The following FHIT variants were observed in gnomAD, a reference collection of about 807,000 sequenced individuals.
FHIT encodes the protein fragile histidine triad diadenosine triphosphatase.
A neutral mutation model predicts 17.9 loss-of-function variants in FHIT; 19 were observed. The ratio of observed to expected loss-of-function variants is 1.06; its 90% confidence interval spans 0.74 to 1.56. The LOEUF is 1.56. Among genes scored for constraint, FHIT ranks in the 40% most tolerant of loss-of-function variants. The pLI, the probability that FHIT is intolerant of heterozygous loss-of-function variation, is 0.00. For missense variants in FHIT, 248 were observed against 189.2 expected, an observed-to-expected ratio of 1.31 and a Z score of -1.82; for synonymous variants, 81 against 69.7, an observed-to-expected ratio of 1.16 and a Z score of -0.81.
At chr3:60,333,390 G>A (rs1326434923) in intron 5 of FHIT, among the ~76,000 whole-genome samples, 2 of 152,066 alleles carry the variant, frequency 1.3e-5, no homozygotes, top group Non-Finnish European at 2.9e-5. Flanking sequence ...AGTAGATACA[G>A]TTAGTTTACA....
chr3:61,062,951 A>AC (rs2034478610), intron 2 of FHIT, among the ~76,000 whole-genome samples: 1 of 152,176 alleles, frequency 6.6e-6, no homozygotes, highest in African/African-American at 2.4e-5. Flanking sequence ...GATATCATTA[A>AC]CACAGACTCG....
At chr3:60,255,878 AAAC>A (rs1406762852) in intron 5 of FHIT, among the ~76,000 whole-genome samples, 2 of 152,048 alleles carry the variant, frequency 1.3e-5, no homozygotes, top group Admixed American at 1.3e-4. Context: ...AAAAAAAAAC[AAAC>A]AACAAACTGG....
chr3:60,589,875 A>T (rs1193499804), intron 4 of FHIT, among the ~76,000 whole-genome samples: 1 of 152,082 alleles, frequency 6.6e-6, no homozygotes, highest in African/African-American at 2.4e-5. Context: ...CTGGAGAATG[A>T]ATACATTGGC....
intron 8 of FHIT, among the ~76,000 whole-genome samples, chr3:59,791,673 C>T (rs182134144): frequency 1.3e-5 from 2 of 152,074 alleles, no homozygotes; most frequent in African/African-American, 2.4e-5. Context: ...TCTGTATTCC[C>T]AATGCTGAGT....
intron 5 of FHIT, among the ~76,000 whole-genome samples, chr3:60,328,545 CT>C (rs1240348532): frequency 6.6e-6 from 1 of 152,128 alleles, no homozygotes; most frequent in African/African-American, 2.4e-5. Flanking sequence ...TAGGAAAAAC[CT>C]GCCCCCATGA....
chr3:60,995,327 T>G (rs1414272724), intron 3 of FHIT, among the ~76,000 whole-genome samples: 1 of 151,878 alleles, frequency 6.6e-6, no homozygotes, highest in Non-Finnish European at 1.5e-5. Flanking sequence ...CTCAAAATAA[T>G]AATAATAATA....
chr3:60,329,798 G>A (rs1709877499), intron 5 of FHIT, among the ~76,000 whole-genome samples: 3 of 152,140 alleles, frequency 2.0e-5, no homozygotes, highest in Admixed American at 1.3e-4. Context: ...CCTCCAGACA[G>A]TTTAAGAAAC....
chr3:59,899,728 C>T (rs1485318995), intron 8 of FHIT, among the ~76,000 whole-genome samples: 1 of 152,084 alleles, frequency 6.6e-6, no homozygotes, highest in African/African-American at 2.4e-5. Flanking sequence ...CGCCTGTAGT[C>T]CCAGCTACTC....
intron 5 of FHIT, among the ~76,000 whole-genome samples, chr3:60,382,338 A>G (rs1470450219): frequency 6.6e-6 from 1 of 152,244 alleles, no homozygotes; most frequent in East Asian, 1.9e-4. Context: ...CAAGAGTGCC[A>G]CATCTCATAA....
rs187158080 is a variant in FHIT, at chr3:60,592,184, A to C, written c.-17-55205T>G. On this transcript the variant is annotated intron_variant, in intron 4 of 9. Coordinates refer to ENST00000492590, the MANE Select transcript of FHIT (RefSeq NM_002012.4). ...ATATATATATTATTATATATATATT[A>C]TCTCTCTATATATTCTCTATATGTA... is the stretch of plus-strand genomic sequence containing the variant. Among the ~76,000 whole-genome samples the C allele has an allele frequency of 1.8e-3, 259 of 147,666 alleles. 1 individual carries two copies. Among genetic ancestry groups the C allele is most frequent in the African/African-American group, 6.1e-3 (248 of 40,696 alleles).
chr3:61,169,069 C>T (rs573979318), intron 2 of FHIT, among the ~76,000 whole-genome samples: 3 of 152,292 alleles, frequency 2.0e-5, no homozygotes, highest in South Asian at 2.1e-4. Flanking sequence ...TCAAAGATGG[C>T]CTCCACCTTG....
chr3:59,914,238 G>T (rs1705023841), intron 8 of FHIT, among the ~76,000 whole-genome samples: 1 of 151,958 alleles, frequency 6.6e-6, no homozygotes, highest in Non-Finnish European at 1.5e-5. Context: ...ATCCAAACTG[G>T]ATTTTACATT....
intron 5 of FHIT, among the ~76,000 whole-genome samples, chr3:60,270,614 C>T (rs1037834654): frequency 1.3e-5 from 2 of 152,142 alleles, no homozygotes; most frequent in African/African-American, 4.8e-5. Flanking sequence ...CAAATGACCC[C>T]TATTAAAAGC....
At chr3:60,998,834 A>C (rs1386975881) in intron 3 of FHIT, among the ~76,000 whole-genome samples, 1 of 152,004 alleles carries the variant, frequency 6.6e-6, no homozygotes, top group East Asian at 1.9e-4. Flanking sequence ...TTTTTTAAAA[A>C]GAGAAGGTAG....
In FHIT at chr3:59,884,905, A is replaced by T. The variant is rs550187813; in HGVS notation, c.348+37441T>A. Among the ~76,000 whole-genome samples the T allele has an allele frequency of 5.9e-5, 9 of 152,324 alleles. No homozygotes were observed. In the East Asian group the frequency reaches 1.5e-3, roughly 26 times the overall value. The stretch of plus-strand genomic sequence containing the variant: ...GTTAAAAGATTCTGTACAATATTTG[A>T]TTGTATCCAAATAGTTTATAACTGT... On this transcript the variant is annotated intron_variant, in intron 8 of 9. Coordinates refer to ENST00000492590, the MANE Select transcript of FHIT (RefSeq NM_002012.4).
chr3:59,874,662 A>C (rs1462979587), intron 8 of FHIT, among the ~76,000 whole-genome samples: 3 of 119,072 alleles, frequency 2.5e-5, no homozygotes, highest in Non-Finnish European at 5.2e-5. Context: ...CTGCTTGCTT[A>C]GGTTTTGTGT....
intron 3 of FHIT, among the ~76,000 whole-genome samples, chr3:60,991,957 G>A (rs1305777929): frequency 6.6e-6 from 1 of 152,114 alleles, no homozygotes. Flanking sequence ...CAGGCCCTTG[G>A]ACAAATGTCA....
chr3:60,634,069 G>A (rs1345826168), intron 4 of FHIT, among the ~76,000 whole-genome samples: 1 of 152,182 alleles, frequency 6.6e-6, no homozygotes, highest in African/African-American at 2.4e-5. Flanking sequence ...CCTGTTTCAC[G>A]TTTGTGGGTG....
At chr3:61,222,159 C>T (rs1175366419) in intron 1 of FHIT, among the ~76,000 whole-genome samples, 2 of 152,194 alleles carry the variant, frequency 1.3e-5, no homozygotes, top group African/African-American at 4.8e-5. Flanking sequence ...ACACTGCGGA[C>T]AGGGAAACTC....
Sources: gnomAD v4.1 joint callset for allele counts (sites outside exome capture counted in the v4.1 genomes callset) on GRCh38, gnomAD v4.1.1 for gene constraint, MANE v1.5 for transcripts, NCBI Gene and HGNC (gene_info 2026-07-23, HGNC 2026-07-21) for gene names.